Variants in ABCC9 observed in about 807,000 individuals in gnomAD.
ABCC9 encodes ATP binding cassette subfamily C member 9, also known as ATP-binding cassette sub-family C member 9.
Under a neutral mutation model 188.3 loss-of-function variants are expected in ABCC9, and 95 were observed. The ratio of observed to expected loss-of-function variants is 0.50; its 90% CI spans 0.43 to 0.60. The LOEUF (loss-of-function observed/expected upper bound fraction) is 0.60, where lower values mean the gene tolerates loss of function less well. Ranked by LOEUF, ABCC9 falls within the 20% of genes least tolerant of loss-of-function variation. The pLI, the probability that ABCC9 is intolerant of heterozygous loss-of-function variation, is 0.00. For synonymous variants in ABCC9, 659 were observed against 652.7 expected (o/e 1.01, Z -0.15); for missense variants, 1,102 against 1,876.3 (o/e 0.59, Z 7.62).
At chr12:21,881,286 A>G (rs565972062) in intron 16 of ABCC9, among the ~76,000 whole-genome samples, 1 of 152,314 alleles carries the variant, frequency 6.6e-6, no homozygotes, top group Non-Finnish European at 1.5e-5. Flanking sequence ...TATTTCAAAA[A>G]TATATTATTA....
At chr12:21,872,904 AAT>A (rs1396858544) in intron 17 of ABCC9, among the ~76,000 whole-genome samples, 174 bp from the exon 18 acceptor site, 11 of 150,924 alleles carry the variant, frequency 7.3e-5, no homozygotes, top group South Asian at 2.1e-4. Flanking sequence ...GAAAAGGAAA[AAT>A]ATATATATAT....
At chr12:21,815,223 A>G (rs1334649991) in intron 34 of ABCC9, among the ~76,000 whole-genome samples, 3 of 151,930 alleles carry the variant, frequency 2.0e-5, no homozygotes, top group Non-Finnish European at 4.4e-5. Context: ...TTCTCACCAA[A>G]TCTTCAATGA....
At position 21,818,150 on chromosome 12, in the gene ABCC9, C is replaced by T. The variant is rs759055406; in HGVS notation, c.3771G>A (p.Thr1257=). 8 of 1,603,656 alleles carry T rather than the reference C, an allele frequency of 5.0e-6. No homozygotes were observed. Among genetic ancestry groups the T allele is most frequent in the African/African-American group, 1.3e-5 (1 of 74,638 alleles). The part of the protein sequence containing the change: ...LVGLGLLYAL[T]ITNYLNWVVR... ...CTGTAATATTTTTATCCATACCTAC[C>T]GTAAGTGCATACAGAAGACCCAAGC... Residue 1257 remains threonine, a splice_region_variant and synonymous_variant, in exon 32 of 40, where the codon ACG becomes ACA. Coordinates refer to ENST00000261200, the MANE Select transcript of ABCC9 (RefSeq NM_020297.4).
At chr12:21,926,873 T>C (rs573368235) in intron 4 of ABCC9, among the ~76,000 whole-genome samples, 3 of 152,326 alleles carry the variant, frequency 2.0e-5, no homozygotes, top group African/African-American at 7.2e-5. Context: ...CAGATGTGCA[T>C]AGTAGACAGC....
chr12:21,835,133 A>C (rs1234450747), intron 30 of ABCC9, among the ~76,000 whole-genome samples: 1 of 152,160 alleles, frequency 6.6e-6, no homozygotes, highest in Admixed American at 6.5e-5. Flanking sequence ...CTGGGAACAG[A>C]ATTCAAACAG....
intron 12 of ABCC9, among the ~76,000 whole-genome samples, chr12:21,904,757 A>G (rs547103880): frequency 6.6e-6 from 1 of 152,352 alleles, no homozygotes; most frequent in African/African-American, 2.4e-5. Context: ...TAGAATGGCG[A>G]TCATTAAAAA....
chr12:21,905,105 A>G (rs1445583278), intron 12 of ABCC9, among the ~76,000 whole-genome samples: 10 of 152,316 alleles, frequency 6.6e-5, no homozygotes, highest in South Asian at 4.1e-4. Context: ...GCCATAAAAA[A>G]GGATGAGTTC....
chr12:21,813,175 G>A (rs112372145), intron 35 of ABCC9, among the ~76,000 whole-genome samples: 634 of 152,244 alleles, frequency 4.2e-3, no homozygotes, highest in African/African-American at 0.014. Context: ...ATAATACAAT[G>A]CATTACAAAT....
rs556185193 is a variant in ABCC9 at position 21,829,351 on chromosome 12, G to A, written c.3567-291C>T. Among the ~76,000 whole-genome samples, 369 of 151,826 alleles carry A rather than the reference G, an allele frequency of 2.4e-3. 1 individual carries two copies. The highest frequency in any genetic ancestry group is 7.7e-3 in the African/African-American group (317 of 41,430). On this transcript the variant is annotated intron_variant, in intron 30 of 39. Transcript: ENST00000261200. ...TGAGTAGCTGGGACTACAGGCACCC[G>A]CCACCATGCCCGGCTAATTTTTTGT...
Position 21,799,543 on chromosome 12 carries a change from C to A in ABCC9, c.*1501G>T, listed in dbSNP as rs369206463. On this transcript the variant is annotated 3_prime_UTR_variant, in exon 40 of 40. Coordinates refer to ENST00000261200, the MANE Select transcript of ABCC9 (RefSeq NM_020297.4). ...TACAATTTAAGCTAAATATCATGGA[C>A]CATTTTTGTCCATCTTGTGGAACTT... The A allele has an allele frequency of 2.3e-4, 35 of 152,228 alleles. No homozygotes were observed. The highest frequency in any genetic ancestry group is 8.2e-4 in the African/African-American group (34 of 41,556). 9.4% of individuals were successfully genotyped at this position (152,228 alleles called of 1,614,324 possible). A position where few individuals can be genotyped will look rare whatever the true frequency, so the allele number is the denominator to read the frequency against.
chr12:21,924,106 T>C (rs1181066207), intron 5 of ABCC9: 1 of 348,434 alleles, frequency 2.9e-6, no homozygotes, highest in African/African-American at 2.1e-5. Flanking sequence ...TCTGTAAAGG[T>C]GAAATTGAGT....
chr12:21,852,367 C>G lies in ABCC9; in HGVS notation c.2643+1G>C. ...AGCAAAATTCTCTTCTAAACTCTTA[C>G]CCAGTCAGCATGCGTCAGATACTGT... is the stretch of plus-strand genomic sequence containing the variant. On this transcript the variant is annotated splice_donor_variant, in intron 23 of 39. Transcript: ENST00000261200. LOFTEE classifies it high-confidence loss of function. The G allele has an allele frequency of 6.2e-7, 1 of 1,613,864 alleles. No homozygotes were observed. Among genetic ancestry groups the G allele is most frequent in the East Asian group, 2.2e-5 (1 of 44,848 alleles).
chr12:21,888,943 A>G (rs924131231), intron 14 of ABCC9, among the ~76,000 whole-genome samples: 1 of 152,148 alleles, frequency 6.6e-6, no homozygotes, highest in African/African-American at 2.4e-5. Flanking sequence ...TGCAGCAGCA[A>G]CTACAGGGGA....
At chr12:21,856,849 C>T (rs1262080608) in intron 22 of ABCC9, among the ~76,000 whole-genome samples, 1 of 152,078 alleles carries the variant, frequency 6.6e-6, no homozygotes, top group Non-Finnish European at 1.5e-5. Context: ...TCAGAAAATA[C>T]CAGAGAATCT....
chr12:21,859,775 A>G (rs1235620933), intron 21 of ABCC9, 109 bp from the exon 22 acceptor site: 1 of 916,426 alleles, frequency 1.1e-6, no homozygotes, highest in Non-Finnish European at 1.8e-6. Context: ...GATTGATAGT[A>G]ACTTGTTAAT....
chr12:21,852,289 T>A, intron 23 of ABCC9, 67 bp from the exon 24 acceptor site: 1 of 1,613,294 alleles, frequency 6.2e-7, no homozygotes, highest in Non-Finnish European at 8.5e-7. Context: ...ACTACCTTTA[T>A]TTCAGAAAGC....
chr12:21,902,267 A>G (rs1019967610), intron 12 of ABCC9, among the ~76,000 whole-genome samples: 1 of 152,230 alleles, frequency 6.6e-6, no homozygotes, highest in Admixed American at 6.5e-5. Flanking sequence ...AAGACACAAC[A>G]TACCAGAATC....
intron 17 of ABCC9, among the ~76,000 whole-genome samples, chr12:21,873,398 T>C (rs1381489310): frequency 6.6e-6 from 1 of 152,122 alleles, no homozygotes; most frequent in Non-Finnish European, 1.5e-5. Flanking sequence ...CTGAAAACTA[T>C]GACATTGGTG....
chr12:21,818,476 C>A, intron 31 of ABCC9, among the ~76,000 whole-genome samples: 2 of 141,006 alleles, frequency 1.4e-5, no homozygotes, highest in Admixed American at 1.4e-4. Context: ...ATATCTATAT[C>A]TATATCTATC....
Sources: gnomAD v4.1 joint callset for allele counts (sites outside exome capture counted in the v4.1 genomes callset) on GRCh38, gnomAD v4.1.1 for gene constraint, MANE v1.5 for transcripts, NCBI Gene and HGNC (gene_info 2026-07-23, HGNC 2026-07-21) for gene names.